Variants in PARD3 observed in about 807,000 individuals in gnomAD.
PARD3 encodes par-3 family cell polarity regulator, also known as partitioning defective 3 homolog.
In PARD3, 75 loss-of-function variants were observed where a neutral mutation model predicts 155.4. That is an observed-to-expected ratio of 0.48 (90% confidence interval 0.40 to 0.58). The LOEUF (loss-of-function observed/expected upper bound fraction) is 0.58. Ranked by LOEUF, PARD3 falls within the 20% of genes least tolerant of loss-of-function variation. The probability of loss-of-function intolerance (pLI) is 0.00; values close to 1 mark genes in which losing one functional copy is unlikely to be tolerated. For synonymous variants in PARD3, 576 were observed against 610.5 expected, an observed-to-expected ratio of 0.94 and a Z score of 0.83; for missense variants, 1,642 against 1,721.7, an observed-to-expected ratio of 0.95 and a Z score of 0.82.
intron 3 of PARD3, among the ~76,000 whole-genome samples, chr10:34,516,433 T>G (rs1002529273): frequency 1.3e-5 from 2 of 152,200 alleles, no homozygotes; most frequent in Admixed American, 1.3e-4. Flanking sequence ...GTATCCCAGA[T>G]CTGGAATACC....
At chr10:34,407,718 A>G (rs758296712) in intron 5 of PARD3, among the ~76,000 whole-genome samples, 1 of 152,108 alleles carries the variant, frequency 6.6e-6, no homozygotes, top group African/African-American at 2.4e-5. Context: ...CTGTAGTCTC[A>G]GCTACTTGGG....
chr10:34,757,469 C>T (rs1836887876), intron 1 of PARD3, among the ~76,000 whole-genome samples: 2 of 152,084 alleles, frequency 1.3e-5, no homozygotes, highest in South Asian at 4.1e-4. Flanking sequence ...TTTTGGGAGG[C>T]CAAGGCAGGC....
chr10:34,751,655 G>C lies in PARD3; in HGVS notation c.121-55236C>G, dbSNP rs76373766. On this transcript the variant is annotated intron_variant, in intron 1 of 24. Coordinates refer to ENST00000374788, the MANE Select transcript of PARD3 (RefSeq NM_001184785.2). ...GTCTTGCTCTATGACCCAGGCTAGAGTGTTGTGGGGCCATCATACCTCACT... is the reference window on the plus strand; with the variant it reads ...GTCTTGCTCTATGACCCAGGCTAGACTGTTGTGGGGCCATCATACCTCACT... Among the ~76,000 whole-genome samples, 592 of 152,180 alleles carry C rather than the reference G, an allele frequency of 3.9e-3. 7 individuals are homozygous for C. The highest frequency in any genetic ancestry group is 0.036 in the East Asian group (188 of 5,180).
At chr10:34,728,936 T>A (rs1327224475) in intron 1 of PARD3, among the ~76,000 whole-genome samples, 1 of 152,230 alleles carries the variant, frequency 6.6e-6, no homozygotes, top group Non-Finnish European at 1.5e-5. Context: ...GTATTTCTAC[T>A]GTACCTTTTC....
chr10:34,430,303 A>G (rs1239891718), intron 5 of PARD3, among the ~76,000 whole-genome samples: 2 of 152,232 alleles, frequency 1.3e-5, no homozygotes, highest in African/African-American at 4.8e-5. Flanking sequence ...AATTTTTTCT[A>G]CATTTTAAAA....
chr10:34,524,997 A>G (rs192811119), intron 2 of PARD3, among the ~76,000 whole-genome samples: 5 of 152,316 alleles, frequency 3.3e-5, no homozygotes, highest in Admixed American at 1.3e-4. Context: ...TGATGACTGA[A>G]TTTACTTTAA....
chr10:34,266,556 CT>C (rs1262707823), intron 22 of PARD3, among the ~76,000 whole-genome samples: 3 of 152,184 alleles, frequency 2.0e-5, no homozygotes, highest in Non-Finnish European at 4.4e-5. Context: ...TCTAATCACC[CT>C]TCTGGGGCAC....
At chr10:34,644,338 T>C (rs1335174913) in intron 2 of PARD3, among the ~76,000 whole-genome samples, 1 of 152,144 alleles carries the variant, frequency 6.6e-6, no homozygotes, top group African/African-American at 2.4e-5. Context: ...AAGCTTAATA[T>C]TTTAAAACTG....
intron 2 of PARD3, among the ~76,000 whole-genome samples, chr10:34,586,765 G>A (rs2088098219): frequency 6.6e-6 from 1 of 152,100 alleles, no homozygotes; most frequent in Non-Finnish European, 1.5e-5. Context: ...CCTCCAGCCT[G>A]GGCAGAGAAA....
At chr10:34,474,968 G>GA (rs1009992446) in intron 3 of PARD3, among the ~76,000 whole-genome samples, 5 of 151,942 alleles carry the variant, frequency 3.3e-5, no homozygotes, top group African/African-American at 1.2e-4. Context: ...ATAGGAAAAG[G>GA]AAAAAAATCT....
rs371127902 is a variant in PARD3, at chr10:34,662,765, G to A, written c.222+33553C>T. On this transcript the variant is annotated intron_variant, in intron 2 of 24. Transcript: ENST00000374788. ...TAGATGCCTGTAATTCCAGCTACTCGGGAGGCTGGGGCAAGAGAATCCCTT... is the reference window on the plus strand; with the variant it reads ...TAGATGCCTGTAATTCCAGCTACTCAGGAGGCTGGGGCAAGAGAATCCCTT... Among the ~76,000 whole-genome samples, 98 of 152,068 alleles carry A rather than the reference G, an allele frequency of 6.4e-4. 1 individual carries two copies. Among genetic ancestry groups the A allele is most frequent in the African/African-American group, 2.3e-3 (97 of 41,458 alleles).
chr10:34,626,385 T>TTC (rs141461060), intron 2 of PARD3, among the ~76,000 whole-genome samples: 18 of 152,138 alleles, frequency 1.2e-4, no homozygotes, highest in African/African-American at 4.1e-4. Flanking sequence ...TCTTATCTGT[T>TTC]TCTCTCTCTC....
At chr10:34,623,361 C>A (rs1043692341) in intron 2 of PARD3, among the ~76,000 whole-genome samples, 1 of 152,164 alleles carries the variant, frequency 6.6e-6, no homozygotes, top group Admixed American at 6.5e-5. Context: ...AATGGTACTA[C>A]TACACCAAAA....
At chr10:34,736,654 AT>A (rs371143425) in intron 1 of PARD3, among the ~76,000 whole-genome samples, 4,299 of 75,816 alleles carry the variant, frequency 0.057, 104 homozygotes, top group African/African-American at 0.095. Flanking sequence ...TAATTAATTA[AT>A]TTATTTATTT....
At chr10:34,524,044 A>G (rs146430201) in intron 2 of PARD3, among the ~76,000 whole-genome samples, 5 of 152,270 alleles carry the variant, frequency 3.3e-5, no homozygotes, top group Non-Finnish European at 7.4e-5. Flanking sequence ...CTTGTCTCCC[A>G]TAAAGCACAC....
At chr10:34,480,794 CTTTTT>C (rs61461165) in intron 3 of PARD3, among the ~76,000 whole-genome samples, 1 of 125,770 alleles carries the variant, frequency 8.0e-6, no homozygotes, top group African/African-American at 3.1e-5. Context: ...GTTTCTTTTT[CTTTTT>C]TTTTTTTTTT....
chr10:34,337,294 T>C lies in PARD3; in HGVS notation c.2541A>G (p.Ser847=), dbSNP rs1336735395. Residue 847 remains serine, a synonymous_variant, in exon 17 of 25, where the codon TCA becomes TCG. Transcript: ENST00000374788. ...SQLDFVKTRK[S]KSMDLGIADE... Reference sequence around the variant, plus strand: ...ACTCACTACCTAAATCCATGCTTTTTGATTTTCGTGTTTTAACGAAATCCA... The same window carrying C: ...ACTCACTACCTAAATCCATGCTTTTCGATTTTCGTGTTTTAACGAAATCCA... 1 of 1,598,814 alleles carries C rather than the reference T, an allele frequency of 6.3e-7. No individual in the cohort carries two copies. The highest frequency in any genetic ancestry group is 8.5e-7 in the Non-Finnish European group (1 of 1,173,620).
chr10:34,529,989 C>A (rs1196849724), intron 2 of PARD3, among the ~76,000 whole-genome samples: 1 of 152,140 alleles, frequency 6.6e-6, no homozygotes, highest in East Asian at 1.9e-4. Flanking sequence ...CCTGCCTCAG[C>A]CTCCCAAAGT....
intron 3 of PARD3, among the ~76,000 whole-genome samples, chr10:34,502,871 T>A (rs2080810727): frequency 6.6e-6 from 1 of 152,200 alleles, no homozygotes; most frequent in Admixed American, 6.5e-5. Context: ...AGCTGGTGAC[T>A]TCTTTTCTGG....
Sources: allele counts gnomAD v4.1 joint callset (sites outside exome capture counted in the v4.1 genomes callset), GRCh38; gene constraint gnomAD v4.1.1; transcripts MANE v1.5; gene names NCBI Gene and HGNC (gene_info 2026-07-23, HGNC 2026-07-21).